The following GRIA3 variants were observed in gnomAD, a reference collection of about 807,000 sequenced individuals.
GRIA3 encodes the protein glutamate receptor 3.
GRIA3 carries 3 observed loss-of-function variants against 63.0 expected under a neutral mutation model. That is an observed-to-expected ratio of 0.05 (90% CI 0.02 to 0.12). The LOEUF (loss-of-function observed/expected upper bound fraction) is 0.12. Ranked by LOEUF, GRIA3 falls within the 10% of genes least tolerant of loss-of-function variation. The probability of loss-of-function intolerance (pLI) is 1.00; values close to 1 mark genes in which losing one functional copy is unlikely to be tolerated. For missense variants in GRIA3, 347 were observed against 700.9 expected (o/e 0.50, Z 5.70); for synonymous variants, 274 against 257.9 (o/e 1.06, Z -0.60).
chrX:123,406,852 G>C (rs978723675), intron 10 of GRIA3, among the ~76,000 whole-genome samples: 11 of 111,675 alleles, frequency 9.9e-5, no homozygotes, highest in African/African-American at 3.6e-4. Flanking sequence ...GAGAAGCTCT[G>C]AACCATCTTG....
chrX:123,265,147 TA>T lies in GRIA3; in HGVS notation c.508+11616del, dbSNP rs749391103. 2.0e-3 allele frequency among the ~76,000 whole-genome samples: 221 copies of T among 110,775 alleles called. No individual in the cohort carries two copies. The Middle Eastern group carries it at 0.028, about 14-fold the overall frequency. ...AGTTTAGAAGGGCAGCATGGACATA[TA>T]AAAAAAAAAATACGTAAATACAATC... On this transcript the variant is annotated intron_variant, in intron 3 of 15. Coordinates refer to ENST00000620443, the MANE Select transcript of GRIA3 (RefSeq NM_007325.5).
At position 123,351,994 on chromosome X, in the gene GRIA3, G is replaced by C. The variant is rs754062913; in HGVS notation, c.697-2916G>C. On this transcript the variant is annotated intron_variant, in intron 4 of 15. Transcript: ENST00000620443. ...AAAGCAGATATCTTGATAGCTCCAA[G>C]TTTTTCTGAACCTGAAAAACAATGT... Among the ~76,000 whole-genome samples, 4 of 111,753 alleles carry C rather than the reference G, an allele frequency of 3.6e-5. No homozygotes were observed. The Admixed American group carries it at 3.8e-4, about 11-fold the overall frequency.
intron 12 of GRIA3, among the ~76,000 whole-genome samples, chrX:123,447,354 A>G (rs1402750628): frequency 8.9e-6 from 1 of 112,232 alleles, no homozygotes; most frequent in Non-Finnish European, 1.9e-5. Context: ...CTGGGCTTTC[A>G]GTTTCTCTCT....
chrX:123,334,847 G>C (rs1206447252), intron 4 of GRIA3, among the ~76,000 whole-genome samples: 1 of 110,462 alleles, frequency 9.1e-6, no homozygotes, highest in Non-Finnish European at 1.9e-5. Flanking sequence ...TATGGAATAT[G>C]ATGGTCTTTT....
At chrX:123,359,875 A>G (rs1650878237) in intron 5 of GRIA3, among the ~76,000 whole-genome samples, 1 of 112,156 alleles carries the variant, frequency 8.9e-6, no homozygotes, top group Non-Finnish European at 1.9e-5. Context: ...TACTGGTACC[A>G]GAGTTGGAGA....
At chrX:123,319,583 G>A (rs1385071035) in intron 3 of GRIA3, among the ~76,000 whole-genome samples, 1 of 111,666 alleles carries the variant, frequency 9.0e-6, no homozygotes, top group Non-Finnish European at 1.9e-5. Context: ...CCTCAGAAAA[G>A]GAAAGATATT....
chrX:123,287,278 T>C (rs777351492), intron 3 of GRIA3, among the ~76,000 whole-genome samples: 1 of 111,212 alleles, frequency 9.0e-6, no homozygotes, highest in African/African-American at 3.3e-5. Flanking sequence ...AATAATAAGA[T>C]CTATTTATGA....
intron 3 of GRIA3, among the ~76,000 whole-genome samples, chrX:123,282,966 TA>T (rs1279549626): frequency 9.0e-6 from 1 of 111,548 alleles, no homozygotes; most frequent in African/African-American, 3.3e-5. Flanking sequence ...GACGGCCAAA[TA>T]GGAACAGCTC....
intron 7 of GRIA3, among the ~76,000 whole-genome samples, chrX:123,399,830 A>G (rs949155754): frequency 3.6e-5 from 4 of 111,808 alleles, no homozygotes; most frequent in Non-Finnish European, 7.5e-5. Context: ...GAAGCATTCA[A>G]TCAAAAGGGG....
At chrX:123,322,220 T>C (rs768933554) in intron 3 of GRIA3, among the ~76,000 whole-genome samples, 2 of 111,603 alleles carry the variant, frequency 1.8e-5, no homozygotes, top group South Asian at 3.8e-4. Context: ...CATAATTTCC[T>C]TCCCACTCCT....
chrX:123,417,545 G>A lies in GRIA3; in HGVS notation c.1644G>A (p.Leu548=), dbSNP rs1313942976. 2.5e-6 allele frequency: 3 copies of A among 1,207,782 alleles called. No individual in the cohort carries two copies. Among genetic ancestry groups the A allele is most frequent in the African/African-American group, 1.8e-5 (1 of 56,959 alleles). The stretch of plus-strand genomic sequence containing the variant: ...CAAAACCAGGCGTATTCTCATTTCT[G>A]GATCCCCTGGCTTATGAAATCTGGA... The part of the protein sequence containing the change: ...QKSKPGVFSF[L]DPLAYEIWMC... The change falls in exon 11 of 16, where the codon CTG becomes CTA. Residue 548 remains leucine, a synonymous_variant. Transcript: ENST00000620443.
chrX:123,466,859 T>C (rs1309703781), intron 13 of GRIA3, among the ~76,000 whole-genome samples: 2 of 112,502 alleles, frequency 1.8e-5, no homozygotes, highest in Non-Finnish European at 3.8e-5. Context: ...TCAGAGACAA[T>C]GGTTGCACTT....
intron 3 of GRIA3, among the ~76,000 whole-genome samples, chrX:123,268,797 G>A (rs913699882): frequency 6.3e-5 from 7 of 111,565 alleles, no homozygotes; most frequent in African/African-American, 2.0e-4. Context: ...CAGATTTATC[G>A]CGTTAAGCCT....
rs773112625 is a variant in GRIA3, at chrX:123,184,299, C to G, written c.-237C>G. 129 of 397,376 alleles carry G rather than the reference C, an allele frequency of 3.2e-4. 1 individual carries two copies. The highest frequency in any genetic ancestry group is 2.8e-3 in the African/African-American group (106 of 37,577). The allele number at this position is 397,376 out of a possible 1,213,427, so 32.7% of individuals were successfully genotyped here. The stretch of plus-strand genomic sequence containing the variant: ...GAGCAAGAAAGGAAGAGAGAGCGAG[C>G]GAGAGAGAGCGAGCGAATAAGAGAG... On this transcript the variant is annotated 5_prime_UTR_variant, in exon 1 of 16. Transcript: ENST00000620443.
In GRIA3 at chrX:123,185,898, A is replaced by C; in HGVS notation, c.176A>C (p.Asn59Thr). The part of the protein sequence containing the change: ...SAFRFAVQLY[N>T]TNQNTTEKPF... ...TTCCGCTTTGCCGTGCAGTTATACA[A>C]CACCAACCAGAACACCACCGAGAAG... is the stretch of plus-strand genomic sequence containing the variant. Residue 59 changes from asparagine (N) to threonine (T), a missense_variant, in exon 2 of 16, where the codon AAC (asparagine) becomes ACC (threonine). Coordinates refer to ENST00000620443, the MANE Select transcript of GRIA3 (RefSeq NM_007325.5). 8.5e-7 allele frequency: 1 copy of C among 1,183,279 alleles called. No individual in the cohort carries two copies. The highest frequency in any genetic ancestry group is 1.1e-6 in the Non-Finnish European group (1 of 878,631).
rs781480068 is a variant in GRIA3, at chrX:123,300,203, G to A, written c.509-25823G>A. On this transcript the variant is annotated intron_variant, in intron 3 of 15. Transcript: ENST00000620443. Reference sequence around the variant, plus strand: ...TGAAGTTTTCTTTTATTGTTGTGTCGTTACCAGGATTTGGTACCAGGATGA... The same window carrying A: ...TGAAGTTTTCTTTTATTGTTGTGTCATTACCAGGATTTGGTACCAGGATGA... Among the ~76,000 whole-genome samples the A allele has an allele frequency of 4.1e-3, 450 of 109,229 alleles. 2 individuals carry two copies. Among genetic ancestry groups the A allele is most frequent in the African/African-American group, 0.013 (404 of 30,066 alleles). The allele number at this position is 109,229 out of a possible 115,157, so 94.9% of individuals were successfully genotyped here. A position where few individuals can be genotyped will look rare whatever the true frequency, so the allele number is the denominator to read the frequency against.
chrX:123,375,034 AT>A (rs1345543122), intron 5 of GRIA3, among the ~76,000 whole-genome samples: 5 of 110,580 alleles, frequency 4.5e-5, no homozygotes, highest in South Asian at 3.8e-4. Context: ...AATGCTTTCC[AT>A]TTTTTTTCCC....
intron 12 of GRIA3, among the ~76,000 whole-genome samples, chrX:123,449,483 G>A (rs944861055): frequency 4.5e-5 from 5 of 111,840 alleles, no homozygotes; most frequent in East Asian, 5.6e-4. Context: ...CTTCCATGGC[G>A]TGCAGTTTAT....
intron 10 of GRIA3, among the ~76,000 whole-genome samples, chrX:123,413,119 G>A (rs1415146132): frequency 1.8e-5 from 2 of 111,249 alleles, no homozygotes; most frequent in Admixed American, 1.9e-4. Context: ...ATCTGGCCAC[G>A]TCTTGTTAGT....
Sources: gnomAD v4.1 joint callset for allele counts (sites outside exome capture counted in the v4.1 genomes callset) on GRCh38, gnomAD v4.1.1 for gene constraint, MANE v1.5 for transcripts, NCBI Gene and HGNC (gene_info 2026-07-23, HGNC 2026-07-21) for gene names.